SLC35F3: variants seen among roughly 807,000 people sequenced by gnomAD.
SLC35F3 encodes the protein putative thiamine transporter SLC35F3.
In SLC35F3, 25 loss-of-function variants were observed where a neutral mutation model predicts 49.9. The observed-to-expected ratio is 0.50, with a 90% confidence interval of 0.37 to 0.70. The LOEUF is 0.70. SLC35F3 is among the 30% of genes least tolerant of loss of function. The pLI, the probability that SLC35F3 is intolerant of heterozygous loss-of-function variation, is 0.00. For missense variants in SLC35F3, 525 were observed against 639.8 expected (o/e 0.82, Z 1.94); for synonymous variants, 275 against 265.4 (o/e 1.04, Z -0.35).
At position 234,254,660 on chromosome 1, in the gene SLC35F3, TTATTTTGGAAGATCA is replaced by T. The variant is rs1667788682; in HGVS notation, c.608+22921_608+22935del. 3.9e-5 allele frequency among the ~76,000 whole-genome samples: 6 copies of T among 152,306 alleles called. No individual in the cohort carries two copies. In the South Asian group the frequency reaches 1.2e-3, roughly 32 times the overall value. On this transcript the variant is annotated intron_variant, in intron 3 of 7. Transcript: ENST00000366618. The stretch of plus-strand genomic sequence containing the variant: ...TAAAAGATACTATAAAGAAAAGGAA[TTATTTTGGAAGATCA>T]TTTCTCAGTTTTCTAAATGGTGAGA...
At chr1:234,313,109 C>T (rs1657400499) in intron 4 of SLC35F3, among the ~76,000 whole-genome samples, 1 of 152,036 alleles carries the variant, frequency 6.6e-6, no homozygotes, top group South Asian at 2.1e-4. Context: ...ACTTGTGGGC[C>T]CAAGAAATCT....
chr1:234,187,787 T>C (rs1438415533), intron 2 of SLC35F3, among the ~76,000 whole-genome samples: 1 of 152,138 alleles, frequency 6.6e-6, no homozygotes, highest in Non-Finnish European at 1.5e-5. Context: ...TTCTGACTTG[T>C]CTCACAGGGG....
intron 2 of SLC35F3, among the ~76,000 whole-genome samples, chr1:233,978,285 T>C (rs917866923): frequency 2.0e-5 from 3 of 152,236 alleles, no homozygotes; most frequent in Non-Finnish European, 4.4e-5. Context: ...ACATTGTTCA[T>C]GCCACACTGA....
At chr1:233,986,972 C>A (rs1023505515) in intron 2 of SLC35F3, among the ~76,000 whole-genome samples, 1 of 152,072 alleles carries the variant, frequency 6.6e-6, no homozygotes, top group Non-Finnish European at 1.5e-5. Flanking sequence ...TTTATTGAGC[C>A]AAAACCTTCA....
intron 2 of SLC35F3, among the ~76,000 whole-genome samples, chr1:234,014,069 G>T (rs550081437): frequency 1.6e-4 from 24 of 152,188 alleles, no homozygotes; most frequent in Admixed American, 1.6e-3. Context: ...TATTCCTGAT[G>T]AATACAGATG....
intron 2 of SLC35F3, among the ~76,000 whole-genome samples, chr1:234,007,897 A>T (rs528714470): frequency 1.3e-5 from 2 of 152,200 alleles, no homozygotes; most frequent in Non-Finnish European, 1.5e-5. Flanking sequence ...GCTTTTTTAC[A>T]TGTTGCTTTA....
At chr1:234,076,230 T>TTTTTTTTTTTTTTTTTTTTTGAG (rs1664789576) in intron 2 of SLC35F3, among the ~76,000 whole-genome samples, 1 of 151,960 alleles carries the variant, frequency 6.6e-6, no homozygotes, top group East Asian at 2.0e-4. Context: ...CAATACATTT[T>TTTTTTTTTTTTTTTTTTTTTGAG]AAACGTATTA....
chr1:234,243,376 G>A (rs1001847913), intron 3 of SLC35F3, among the ~76,000 whole-genome samples: 1 of 152,088 alleles, frequency 6.6e-6, no homozygotes, highest in Admixed American at 6.6e-5. Flanking sequence ...GTTACTGGGG[G>A]TATGCTCACC....
chr1:234,260,501 A>G lies in SLC35F3; in HGVS notation c.608+28760A>G, dbSNP rs539511719. Among the ~76,000 whole-genome samples, 8 of 152,330 alleles carry G rather than the reference A, an allele frequency of 5.3e-5. No individual in the cohort carries two copies. In the South Asian group the frequency reaches 1.7e-3, roughly 32 times the overall value. ...CTATATGAGTTCTGCTCAGGATCCCAGAGAGCCCTCTGGACGGAGATCATG... is the reference window on the plus strand; with the variant it reads ...CTATATGAGTTCTGCTCAGGATCCCGGAGAGCCCTCTGGACGGAGATCATG... On this transcript the variant is annotated intron_variant, in intron 3 of 7. Coordinates refer to ENST00000366618, the MANE Select transcript of SLC35F3 (RefSeq NM_173508.4).
Position 234,288,458 on chromosome 1 carries a change from G to A in SLC35F3, c.609-20643G>A, listed in dbSNP as rs112550624. Among the ~76,000 whole-genome samples the A allele has an allele frequency of 4.1e-3, 629 of 152,280 alleles. 1 individual carries two copies. Among genetic ancestry groups the A allele is most frequent in the Non-Finnish European group, 6.6e-3 (451 of 68,028 alleles). ...TTTCTGAAATGCAGTCAGACTAGTC[G>A]CTGTGTCCACTGTGATTTGGTAAAA... On this transcript the variant is annotated intron_variant, in intron 3 of 7. Coordinates refer to ENST00000366618, the MANE Select transcript of SLC35F3 (RefSeq NM_173508.4).
chr1:234,251,964 C>A (rs1183127467), intron 3 of SLC35F3, among the ~76,000 whole-genome samples: 1 of 151,506 alleles, frequency 6.6e-6, no homozygotes, highest in African/African-American at 2.4e-5. Context: ...AGGTGTAAAA[C>A]CTGAAATCTT....
chr1:234,159,919 T>G (rs1666202622), intron 2 of SLC35F3, among the ~76,000 whole-genome samples: 1 of 152,224 alleles, frequency 6.6e-6, no homozygotes, highest in Admixed American at 6.5e-5. Flanking sequence ...CGTAAGATTT[T>G]AGACCTGTAT....
intron 2 of SLC35F3, among the ~76,000 whole-genome samples, chr1:234,228,071 G>GA (rs1667315497): frequency 6.6e-6 from 1 of 152,106 alleles, no homozygotes; most frequent in Admixed American, 6.5e-5. Context: ...AATAAAGTAG[G>GA]ATCAGTCCAC....
intron 2 of SLC35F3, among the ~76,000 whole-genome samples, chr1:234,204,707 T>C (rs150297392): frequency 1.2e-3 from 188 of 152,376 alleles, no homozygotes; most frequent in African/African-American, 4.2e-3. Context: ...GGGGATTCAG[T>C]TGACTTTTTG....
Position 234,297,035 on chromosome 1 carries a change from A to G in SLC35F3, c.609-12066A>G, listed in dbSNP as rs116382944. 3.9e-3 allele frequency among the ~76,000 whole-genome samples: 587 copies of G among 152,358 alleles called. 7 individuals carry two copies. Among genetic ancestry groups the G allele is most frequent in the African/African-American group, 0.013 (559 of 41,572 alleles). ...CTCCAAAGAAGACATACAAATGGCC[A>G]ATAGGTATATGAAAAGATGCTCAGC... On this transcript the variant is annotated intron_variant, in intron 3 of 7. Transcript: ENST00000366618.
chr1:234,120,759 G>A (rs1228186446), intron 2 of SLC35F3, among the ~76,000 whole-genome samples: 1 of 152,192 alleles, frequency 6.6e-6, no homozygotes, highest in East Asian at 1.9e-4. Context: ...ATGCCCTGCA[G>A]GACGCCTCAC....
intron 2 of SLC35F3, among the ~76,000 whole-genome samples, chr1:234,118,427 A>G (rs761753870): frequency 1.3e-5 from 2 of 152,180 alleles, no homozygotes; most frequent in Non-Finnish European, 2.9e-5. Flanking sequence ...GGGGTCAGCA[A>G]ACTTTGGCTG....
At position 234,214,668 on chromosome 1, in the gene SLC35F3, G is replaced by T. The variant is rs1302057207; in HGVS notation, c.284-16749G>T. On this transcript the variant is annotated intron_variant, in intron 2 of 7. Transcript: ENST00000366618. The surrounding 1 kb of genome is among the most constrained non-coding windows in gnomAD (Gnocchi z 8.0). ...GGCTGTCTGGCTGCGGGGCGCCGGG[G>T]CTGGGGGTACTGCTCCCCCAGGACG... The T allele has an allele frequency of 3.5e-6, 5 of 1,427,380 alleles. No homozygotes were observed. The African/African-American group carries it at 6.0e-5, about 17-fold the overall frequency. The allele number at this position is 1,427,380 out of a possible 1,614,324, so 88.4% of individuals were successfully genotyped here.
At chr1:233,928,104 T>C (rs1662188391) in intron 2 of SLC35F3, among the ~76,000 whole-genome samples, 1 of 152,126 alleles carries the variant, frequency 6.6e-6, no homozygotes, top group Admixed American at 6.6e-5. Context: ...CTTGGCACTG[T>C]AAATTTTCTG....
Sources: gnomAD v4.1 joint callset for allele counts (sites outside exome capture counted in the v4.1 genomes callset) on GRCh38, gnomAD v4.1.1 for gene constraint, Gnocchi (gnomAD v3.1) non-coding constraint, MANE v1.5 for transcripts, NCBI Gene and HGNC (gene_info 2026-07-23, HGNC 2026-07-21) for gene names.